Variants in NDUFAB1 observed in about 807,000 individuals in gnomAD.
NDUFAB1 encodes NADH:ubiquinone oxidoreductase subunit AB1.
In NDUFAB1, 5 loss-of-function variants were observed where a neutral mutation model predicts 16.1. The ratio of observed to expected loss-of-function variants is 0.31; its 90% CI spans 0.16 to 0.65. The LOEUF is 0.65. Among genes scored for constraint, NDUFAB1 ranks in the 30% least tolerant of loss-of-function variants. The pLI, the probability that NDUFAB1 is intolerant of heterozygous loss-of-function variation, is 0.77. For missense variants in NDUFAB1, 187 were observed against 205.3 expected (o/e 0.91, Z 0.54); for synonymous variants, 85 against 78.4 (o/e 1.08, Z -0.44).
intron 4 of NDUFAB1, chr16:23,581,838 T>A (rs1966182267): frequency 6.5e-6 from 1 of 153,114 alleles, no homozygotes; most frequent in Non-Finnish European, 1.5e-5. Context: ...TTATAGTGTG[T>A]GGCAAAGCTG....
At chr16:23,596,099 G>C in intron 1 of NDUFAB1, 24 bp downstream of exon 1, 1 of 1,598,290 alleles carries the variant, frequency 6.3e-7, no homozygotes, top group Non-Finnish European at 8.5e-7. Flanking sequence ...CTTGCCAAGC[G>C]GCAGCAAAGT....
intron 1 of NDUFAB1, among the ~76,000 whole-genome samples, chr16:23,592,429 G>A (rs1966288545): frequency 6.6e-6 from 1 of 152,020 alleles, no homozygotes; most frequent in African/African-American, 2.4e-5. Context: ...GTACACAGAT[G>A]ACAGGCTTGG....
intron 1 of NDUFAB1, among the ~76,000 whole-genome samples, 183 bp downstream of exon 1, chr16:23,595,940 A>AGGTC (rs1966321647): frequency 6.6e-6 from 1 of 152,160 alleles, no homozygotes; most frequent in South Asian, 2.1e-4. Context: ...CGTTATTACG[A>AGGTC]GGTCACCCGG....
chr16:23,596,188 C>A lies in NDUFAB1; in HGVS notation c.103G>T (p.Ala35Ser). The A allele has an allele frequency of 1.2e-6, 2 of 1,610,974 alleles. No individual in the cohort carries two copies. Among genetic ancestry groups the A allele is most frequent in the Non-Finnish European group, 1.7e-6 (2 of 1,179,018 alleles). ...GTCTGGGTCCCCGCGGAGCAGAGAG[C>A]GGTGCTGAGAGGCCGGGCCACGGCC... is the stretch of plus-strand genomic sequence containing the variant. ...MLAVARPLST[A>S]LCSAGTQTRL... Residue 35 changes from alanine to serine, a missense_variant, in exon 1 of 5, where the codon GCT becomes TCT. Physicochemically the swap from Ala to Ser is moderately conservative, Grantham distance 99 (BLOSUM62 1). This residue lies in a region of NDUFAB1 where 135 missense variants were observed against 129.4 expected (regional missense o/e 1.04). Transcript: ENST00000007516.
intron 1 of NDUFAB1, among the ~76,000 whole-genome samples, chr16:23,593,189 C>T (rs945294971): frequency 1.1e-4 from 17 of 152,154 alleles, no homozygotes; most frequent in Non-Finnish European, 5.9e-5. Context: ...GTCCCAGCTA[C>T]TCAGGAAGCT....
At position 23,596,210 on chromosome 16, in the gene NDUFAB1, G is replaced by A. The variant is rs540250636; in HGVS notation, c.81C>T (p.Ala27=). 130 of 1,609,874 alleles carry A rather than the reference G, an allele frequency of 8.1e-5. No individual in the cohort carries two copies. The South Asian group carries it at 1.2e-3, about 15-fold the overall frequency. ...GAGCGGTGCTGAGAGGCCGGGCCAC[G>A]GCCAGCATCCGGACCCGGGGCAGCG... ...FAPLPRVRML[A]VARPLSTALC... The change falls in exon 1 of 5, where the codon GCC becomes GCT. Residue 27 remains alanine (A), a synonymous_variant. Transcript: ENST00000007516.
chr16:23,591,416 A>G (rs1239591869), intron 1 of NDUFAB1, among the ~76,000 whole-genome samples: 4 of 152,186 alleles, frequency 2.6e-5, no homozygotes, highest in Non-Finnish European at 4.4e-5. Context: ...AGGCAAACTC[A>G]GAGGAGGCTA....
At chr16:23,587,078 T>C (rs1321235700) in intron 2 of NDUFAB1, 119 bp downstream of exon 2, 9 of 956,822 alleles carry the variant, frequency 9.4e-6, no homozygotes, top group Middle Eastern at 2.7e-4. Flanking sequence ...TCTCCCAGAA[T>C]GGGCCTGGGT....
intron 4 of NDUFAB1, among the ~76,000 whole-genome samples, chr16:23,581,574 C>T (rs538009679): frequency 6.6e-6 from 1 of 150,964 alleles, no homozygotes; most frequent in South Asian, 2.1e-4. Context: ...AATGCAGGGT[C>T]ACTAAAAGCT....
intron 3 of NDUFAB1, among the ~76,000 whole-genome samples, chr16:23,584,441 G>A (rs1168336991): frequency 1.3e-5 from 2 of 150,920 alleles, no homozygotes; most frequent in Admixed American, 6.6e-5. Context: ...CTCAAGGTTC[G>A]TGTGCTGTAA....
At position 23,587,535 on chromosome 16, in the gene NDUFAB1, G is replaced by T. The variant is rs1338533882; in HGVS notation, c.169-216C>A. Among the ~76,000 whole-genome samples, 3 of 152,196 alleles carry T rather than the reference G, an allele frequency of 2.0e-5. 1 individual carries two copies. Among genetic ancestry groups the T allele is most frequent in the Admixed American group, 2.0e-4 (3 of 15,276 alleles). On this transcript the variant is annotated intron_variant, in intron 1 of 4. Transcript: ENST00000007516. ...AGCATCTCAGGCCTCCTTCCTGGGA[G>T]TCAGGACCGGCCCCTCTGCCTCCTG...
chr16:23,586,087 C>T (rs1414504486), intron 2 of NDUFAB1, among the ~76,000 whole-genome samples: 1 of 151,782 alleles, frequency 6.6e-6, no homozygotes, highest in Non-Finnish European at 1.5e-5. Flanking sequence ...ACCACCACGC[C>T]CAGCTAATTT....
chr16:23,587,410 T>G, intron 1 of NDUFAB1, 91 bp from the exon 2 acceptor site: 2 of 1,498,238 alleles, frequency 1.3e-6, no homozygotes, highest in Admixed American at 2.1e-5. Flanking sequence ...CACAGAACTT[T>G]CGGGGCTTTA....
intron 4 of NDUFAB1, 148 bp downstream of exon 4, chr16:23,582,126 TGA>T: frequency 1.1e-6 from 1 of 948,358 alleles, no homozygotes; most frequent in Non-Finnish European, 1.4e-6. Context: ...TGGGCCCCTT[TGA>T]GTGGCAGACA....
At chr16:23,590,039 C>T (rs1232787866) in intron 1 of NDUFAB1, among the ~76,000 whole-genome samples, 3 of 151,774 alleles carry the variant, frequency 2.0e-5, no homozygotes, top group African/African-American at 4.8e-5. Context: ...GTGGAAGGAT[C>T]GCTTGAGCCC....
chr16:23,589,942 GAAAA>G (rs57098255), intron 1 of NDUFAB1, among the ~76,000 whole-genome samples: 3 of 70,496 alleles, frequency 4.3e-5, no homozygotes, highest in Admixed American at 3.3e-4. Flanking sequence ...TCTCCAAAAA[GAAAA>G]AAAAAAAAAA....
chr16:23,595,259 ACT>A (rs1334291459), intron 1 of NDUFAB1, among the ~76,000 whole-genome samples: 3 of 151,956 alleles, frequency 2.0e-5, no homozygotes, highest in African/African-American at 4.8e-5. Context: ...ACAGAGCGAG[ACT>A]CTGTCTCAAA....
intron 3 of NDUFAB1, among the ~76,000 whole-genome samples, chr16:23,582,598 T>C (rs432508): frequency 0.11 from 16,254 of 151,792 alleles, 1,053 homozygotes; most frequent in African/African-American, 0.18. Flanking sequence ...TTTGTTGAGA[T>C]AGAATTCACA....
chr16:23,587,482 G>A (rs1204606484), intron 1 of NDUFAB1, among the ~76,000 whole-genome samples, 163 bp from the exon 2 acceptor site: 1 of 152,228 alleles, frequency 6.6e-6, no homozygotes, highest in Non-Finnish European at 1.5e-5. Flanking sequence ...GCAGGACTGG[G>A]TAATCGCAGA....
Sources: allele counts gnomAD v4.1 joint callset (sites outside exome capture counted in the v4.1 genomes callset), GRCh38; gene constraint gnomAD v4.1.1; regional missense constraint gnomAD v4.1.1; transcripts MANE v1.5; gene names NCBI Gene and HGNC (gene_info 2026-07-23, HGNC 2026-07-21).